KHDRBS2: variants seen among roughly 807,000 people sequenced by gnomAD.
KHDRBS2 encodes KH domain-containing, RNA-binding, signal transduction-associated protein 2.
Under a neutral mutation model 44.3 loss-of-function variants are expected in KHDRBS2, and 26 were observed. That is an observed-to-expected ratio of 0.59 (90% CI 0.43 to 0.81). KHDRBS2 has a LOEUF of 0.81. KHDRBS2 is among the 40% of genes least tolerant of loss of function. KHDRBS2 has a pLI of 0.00. For missense variants in KHDRBS2, 476 were observed against 433.1 expected (o/e 1.10, Z -0.88); for synonymous variants, 194 against 151.1 (o/e 1.28, Z -2.08).
chr6:61,810,367 A>C (rs1025575614), intron 6 of KHDRBS2, among the ~76,000 whole-genome samples: 1 of 152,106 alleles, frequency 6.6e-6, no homozygotes, highest in African/African-American at 2.4e-5. Context: ...GGAGTGGCAG[A>C]GCAATCATAC....
At chr6:61,935,113 C>A (rs1351211707) in intron 4 of KHDRBS2, among the ~76,000 whole-genome samples, 2 of 152,004 alleles carry the variant, frequency 1.3e-5, no homozygotes, top group African/African-American at 4.8e-5. Flanking sequence ...TTTCTAAAAC[C>A]CCTAATTTGT....
chr6:61,897,323 C>T (rs567012193), intron 5 of KHDRBS2, among the ~76,000 whole-genome samples: 6 of 152,102 alleles, frequency 3.9e-5, no homozygotes, highest in Non-Finnish European at 8.8e-5. Flanking sequence ...TCTTGACAAG[C>T]TTGTCATGTG....
At chr6:62,235,131 G>A (rs561188210) in intron 1 of KHDRBS2, among the ~76,000 whole-genome samples, 11 of 133,466 alleles carry the variant, frequency 8.2e-5, no homozygotes, top group African/African-American at 2.3e-4. Context: ...TAATGCTTAC[G>A]TGATCCATTT....
intron 3 of KHDRBS2, among the ~76,000 whole-genome samples, chr6:62,012,845 T>A (rs1423629776): frequency 6.6e-6 from 1 of 152,190 alleles, no homozygotes; most frequent in Non-Finnish European, 1.5e-5. Context: ...ACCTGAGGCA[T>A]TTTCCTGTTT....
chr6:62,060,198 A>C (rs961279764), intron 2 of KHDRBS2, among the ~76,000 whole-genome samples: 77 of 151,810 alleles, frequency 5.1e-4, no homozygotes, highest in African/African-American at 1.7e-3. Flanking sequence ...TATAGAAAAA[A>C]ATATTCAGGC....
At chr6:62,051,482 A>G (rs6911433) in intron 2 of KHDRBS2, among the ~76,000 whole-genome samples, 1 of 151,880 alleles carries the variant, frequency 6.6e-6, no homozygotes, top group African/African-American at 2.4e-5. Context: ...ATTGTGTTCT[A>G]TTGGTGCCCT....
chr6:62,048,063 T>C (rs939040521), intron 2 of KHDRBS2, 69 bp from the exon 3 acceptor site: 9 of 935,520 alleles, frequency 9.6e-6, no homozygotes, highest in South Asian at 5.2e-5. Context: ...CCAAGAGTAA[T>C]TGATAGGTTA....
intron 7 of KHDRBS2, among the ~76,000 whole-genome samples, chr6:61,717,793 G>A (rs897909905): frequency 7.2e-5 from 11 of 151,986 alleles, no homozygotes; most frequent in African/African-American, 2.7e-4. Context: ...TTGCTCAGAA[G>A]TATCTTTTGG....
chr6:61,890,685 A>G (rs1460368405), intron 6 of KHDRBS2, among the ~76,000 whole-genome samples: 1 of 152,182 alleles, frequency 6.6e-6, no homozygotes, highest in African/African-American at 2.4e-5. Flanking sequence ...AAGTGATCCT[A>G]CCACCCTTGT....
Position 62,055,827 on chromosome 6 carries a change from T to A in KHDRBS2, c.220-7833A>T, listed in dbSNP as rs146328016. On this transcript the variant is annotated intron_variant, in intron 2 of 8. Coordinates refer to ENST00000281156, the MANE Select transcript of KHDRBS2 (RefSeq NM_152688.4). ...GACATGAATTGGAGTCCATTATTCCTCGCAAGTCATAGAGATCAGACGTGG... is the reference window on the plus strand; with the variant it reads ...GACATGAATTGGAGTCCATTATTCCACGCAAGTCATAGAGATCAGACGTGG... Among the ~76,000 whole-genome samples, 15 of 152,146 alleles carry A rather than the reference T, an allele frequency of 9.9e-5. No individual in the cohort carries two copies. In the East Asian group the frequency reaches 2.7e-3, roughly 28 times the overall value.
chr6:61,680,916 C>T lies in KHDRBS2; in HGVS notation c.*47G>A, dbSNP rs767412541. On this transcript the variant is annotated 3_prime_UTR_variant, in exon 9 of 9. Coordinates refer to ENST00000281156, the MANE Select transcript of KHDRBS2 (RefSeq NM_152688.4). ...CTTGTTGCTGTTTATGTGGAGACCACAGGCTATGAATTGTCTTTGAGGTGA... is the reference window on the plus strand; with the variant it reads ...CTTGTTGCTGTTTATGTGGAGACCATAGGCTATGAATTGTCTTTGAGGTGA... 1.3e-5 allele frequency: 16 copies of T among 1,220,988 alleles called. No homozygotes were observed. Among genetic ancestry groups the T allele is most frequent in the Non-Finnish European group, 1.9e-5 (16 of 833,134 alleles). The allele number at this position is 1,220,988 out of a possible 1,614,324, so 75.6% of individuals were successfully genotyped here. A position where few individuals can be genotyped will look rare whatever the true frequency, so the allele number is the denominator to read the frequency against.
chr6:62,255,639 C>T (rs1450624139), intron 1 of KHDRBS2, among the ~76,000 whole-genome samples: 1 of 149,444 alleles, frequency 6.7e-6, no homozygotes, highest in African/African-American at 2.5e-5. Flanking sequence ...CACACACACA[C>T]ACACACACAC....
intron 1 of KHDRBS2, among the ~76,000 whole-genome samples, chr6:62,239,384 C>T (rs928315591): frequency 6.6e-6 from 1 of 152,016 alleles, no homozygotes; most frequent in African/African-American, 2.4e-5. Flanking sequence ...ACCAGCCTTG[C>T]CAACATGGTG....
At chr6:61,845,089 T>G (rs1011870357) in intron 6 of KHDRBS2, among the ~76,000 whole-genome samples, 1 of 152,196 alleles carries the variant, frequency 6.6e-6, no homozygotes, top group African/African-American at 2.4e-5. Flanking sequence ...AAATGGTAGA[T>G]TTCATGACAT....
At chr6:61,656,067 C>T in the KHDRBS2 span, among the ~76,000 whole-genome samples, 1 of 151,956 alleles carries the variant, frequency 6.6e-6, no homozygotes, top group South Asian at 2.1e-4. Context: ...CATAATTATT[C>T]CACCTTTCAT....
At chr6:62,259,538 G>A (rs1334605074) in intron 1 of KHDRBS2, among the ~76,000 whole-genome samples, 3 of 151,652 alleles carry the variant, frequency 2.0e-5, no homozygotes, top group African/African-American at 7.3e-5. Context: ...ATAAATAATA[G>A]TAGTTTCTCA....
At chr6:61,597,730 T>TATATATA in the KHDRBS2 span, among the ~76,000 whole-genome samples, 61 of 31,320 alleles carry the variant, frequency 1.9e-3, 1 homozygote, top group Non-Finnish European at 2.5e-3. Context: ...ATTTTGCACC[T>TATATATA]TTTATATATA....
chr6:62,213,674 A>G (rs1389206350), intron 1 of KHDRBS2, among the ~76,000 whole-genome samples: 1 of 151,838 alleles, frequency 6.6e-6, no homozygotes, highest in African/African-American at 2.4e-5. Flanking sequence ...GGAGATCAAG[A>G]CCATCCTGGC....
intron 3 of KHDRBS2, among the ~76,000 whole-genome samples, chr6:62,041,198 G>C (rs1159658466): frequency 1.3e-5 from 2 of 152,026 alleles, no homozygotes; most frequent in Non-Finnish European, 2.9e-5. Flanking sequence ...GGGCATGGTG[G>C]CGGGCGCCTG....
Sources: gnomAD v4.1 joint callset for allele counts (sites outside exome capture counted in the v4.1 genomes callset) on GRCh38, gnomAD v4.1.1 for gene constraint, MANE v1.5 for transcripts, NCBI Gene and HGNC (gene_info 2026-07-23, HGNC 2026-07-21) for gene names.